Variants in PLOD2 observed in about 807,000 individuals in gnomAD.
PLOD2 encodes the protein lysine hydroxylase 2.
A neutral mutation model predicts 101.0 loss-of-function variants in PLOD2; 65 were observed. The ratio of observed to expected loss-of-function variants is 0.64; its 90% CI spans 0.53 to 0.79. The LOEUF is 0.79. PLOD2 is among the 30% of genes least tolerant of loss of function. PLOD2 has a pLI of 0.00. For synonymous variants in PLOD2, 314 were observed against 302.9 expected (o/e 1.04, Z -0.38); for missense variants, 909 against 914.6 (o/e 0.99, Z 0.08).
At chr3:146,086,947 A>G in intron 9 of PLOD2, 39 bp from the exon 10 acceptor site, 1 of 1,269,456 alleles carries the variant, frequency 7.9e-7, no homozygotes, top group Non-Finnish European at 1.1e-6. Context: ...AGAGAATAAG[A>G]CAATCAGATG....
intron 13 of PLOD2, among the ~76,000 whole-genome samples, chr3:146,078,646 G>C (rs145512073): frequency 2.2e-4 from 34 of 151,852 alleles, no homozygotes; most frequent in African/African-American, 8.2e-4. Context: ...TAATAATCCT[G>C]CTTTCTAAGA....
At chr3:146,100,368 T>C (rs1038200602) in intron 7 of PLOD2, among the ~76,000 whole-genome samples, 10 of 152,334 alleles carry the variant, frequency 6.6e-5, no homozygotes, top group African/African-American at 2.2e-4. Context: ...ATAAGGTTTC[T>C]GTAATTCCTA....
intron 3 of PLOD2, 72 bp from the exon 4 acceptor site, chr3:146,110,520 C>A: frequency 1.6e-6 from 2 of 1,268,140 alleles, no homozygotes; most frequent in South Asian, 1.3e-5. Flanking sequence ...ATGAAAAGTT[C>A]TCTAACAAAA....
chr3:146,138,126 C>T (rs960637246), intron 1 of PLOD2, among the ~76,000 whole-genome samples: 5 of 152,034 alleles, frequency 3.3e-5, no homozygotes, highest in Admixed American at 3.3e-4. Flanking sequence ...ACAGGGGGCA[C>T]AGCTAAGAGA....
intron 6 of PLOD2, 116 bp downstream of exon 6, chr3:146,104,163 A>G (rs1052531463): frequency 3.5e-5 from 26 of 745,136 alleles, no homozygotes; most frequent in Admixed American, 1.9e-4. Flanking sequence ...AATAATTACA[A>G]TATTTACACT....
intron 1 of PLOD2, among the ~76,000 whole-genome samples, chr3:146,156,563 C>A (rs777055084): frequency 7.9e-5 from 12 of 152,258 alleles, no homozygotes; most frequent in Non-Finnish European, 1.8e-4. Context: ...ACAGACCACA[C>A]AAACACAGGT....
At chr3:146,085,567 GCATACATA>G (rs760664729) in intron 10 of PLOD2, 5 of 463,768 alleles carry the variant, frequency 1.1e-5, no homozygotes, top group Non-Finnish European at 1.9e-5. Context: ...AAATGTTTCT[GCATACATA>G]CATACATACA....
intron 7 of PLOD2, among the ~76,000 whole-genome samples, 192 bp from the exon 8 acceptor site, chr3:146,092,093 A>G (rs1936994422): frequency 7.6e-6 from 1 of 132,362 alleles, no homozygotes; most frequent in Non-Finnish European, 1.6e-5. Flanking sequence ...AGGACAAAGT[A>G]TGTCTAGAAA....
intron 7 of PLOD2, among the ~76,000 whole-genome samples, chr3:146,093,188 C>T (rs1034821518): frequency 7.9e-5 from 12 of 152,130 alleles, no homozygotes; most frequent in Non-Finnish European, 1.3e-4. Flanking sequence ...TTCAAATATT[C>T]TTATTGTACT....
intron 1 of PLOD2, among the ~76,000 whole-genome samples, chr3:146,153,482 T>C (rs879751543): frequency 5.3e-5 from 8 of 152,160 alleles, no homozygotes; most frequent in Non-Finnish European, 1.0e-4. Flanking sequence ...CCACAAAAGT[T>C]GTGGCTTCAA....
chr3:146,156,174 A>G (rs2032297323), intron 1 of PLOD2, among the ~76,000 whole-genome samples: 1 of 152,244 alleles, frequency 6.6e-6, no homozygotes, highest in Admixed American at 6.5e-5. Flanking sequence ...ATCACCGGCA[A>G]ATTCTAAAAT....
chr3:146,076,281 C>T (rs1037721710), intron 15 of PLOD2: 2 of 151,818 alleles, frequency 1.3e-5, no homozygotes, highest in Admixed American at 1.3e-4. Flanking sequence ...TAATATTGTT[C>T]TTTTTTATGG....
chr3:146,093,512 C>T (rs1023796388), intron 7 of PLOD2, among the ~76,000 whole-genome samples: 19 of 152,082 alleles, frequency 1.2e-4, no homozygotes, highest in East Asian at 1.9e-4. Context: ...CATTTGTGTT[C>T]TACAAAATAT....
intron 4 of PLOD2, among the ~76,000 whole-genome samples, chr3:146,108,420 T>C (rs567523827): frequency 2.0e-5 from 3 of 152,242 alleles, no homozygotes; most frequent in African/African-American, 7.2e-5. Flanking sequence ...TGGGCTCAAG[T>C]CACCTTCCTG....
intron 12 of PLOD2, among the ~76,000 whole-genome samples, chr3:146,081,250 G>GT (rs1396148958): frequency 1.1e-4 from 16 of 151,934 alleles, no homozygotes; most frequent in Admixed American, 2.0e-4. Context: ...TCTAATATTG[G>GT]TAAAAAAAAC....
At chr3:146,139,598 G>C (rs1384408332) in intron 1 of PLOD2, among the ~76,000 whole-genome samples, 1 of 152,106 alleles carries the variant, frequency 6.6e-6, no homozygotes, top group Non-Finnish European at 1.5e-5. Flanking sequence ...TCATCCTAAA[G>C]TGTAAAGCTT....
In PLOD2 at chr3:146,121,160, A is replaced by T. The variant is rs1443293588; in HGVS notation, c.290T>A (p.Met97Lys). 1 of 1,608,940 alleles carries T rather than the reference A, an allele frequency of 6.2e-7. No individual in the cohort carries two copies. Among genetic ancestry groups the T allele is most frequent in the Non-Finnish European group, 8.5e-7 (1 of 1,175,564 alleles). The part of the protein sequence containing the change: ...GQKVRLMKEV[M>K]EHYADQDDLV... ...ATCATCTTGATCAGCATAGTGTTCC[A>T]TGACTTCTTTCATTAATCTCACTTT... Residue 97 changes from methionine to lysine, a missense_variant, in exon 3 of 20, where the codon ATG (methionine) becomes AAG (lysine). Met to Lys is a moderately conservative substitution (Grantham distance 95). Coordinates refer to ENST00000282903, the MANE Select transcript of PLOD2 (RefSeq NM_182943.3).
intron 7 of PLOD2, among the ~76,000 whole-genome samples, chr3:146,100,147 C>A (rs764884633): frequency 6.6e-6 from 1 of 152,152 alleles, no homozygotes; most frequent in African/African-American, 2.4e-5. Flanking sequence ...TTGCAAAGTG[C>A]TGGGATTACA....
At chr3:146,123,299 A>G in intron 2 of PLOD2, 1 of 1,182,888 alleles carries the variant, frequency 8.5e-7, no homozygotes, top group Non-Finnish European at 1.1e-6. Flanking sequence ...TATTTGTAGA[A>G]AAGACTTGGC....
Sources: gnomAD v4.1 joint callset for allele counts (sites outside exome capture counted in the v4.1 genomes callset) on GRCh38, gnomAD v4.1.1 for gene constraint, MANE v1.5 for transcripts, NCBI Gene and HGNC (gene_info 2026-07-23, HGNC 2026-07-21) for gene names.